The following LVRN variants were observed in gnomAD, a reference collection of about 807,000 sequenced individuals.
The protein encoded by LVRN is laeverin.
A neutral mutation model predicts 111.4 loss-of-function variants in LVRN; 99 were observed. That is an observed-to-expected ratio of 0.89 (90% CI 0.76 to 1.05). LVRN has a LOEUF of 1.05. Among genes scored for constraint, LVRN ranks in the 50% least tolerant of loss-of-function variants. The pLI is 0.00. For synonymous variants in LVRN, 488 were observed against 449.5 expected (o/e 1.09, Z -1.08); for missense variants, 1,414 against 1,206.8 (o/e 1.17, Z -2.54).
At chr5:116,000,017 T>G (rs1748204261) in intron 7 of LVRN, 115 bp downstream of exon 7, 2 of 1,202,774 alleles carry the variant, frequency 1.7e-6, no homozygotes, top group African/African-American at 3.1e-5. Flanking sequence ...AAAATAACCT[T>G]ATTTTAATTC....
intron 6 of LVRN, among the ~76,000 whole-genome samples, chr5:115,994,844 A>C (rs1291761638): frequency 1.3e-5 from 2 of 152,194 alleles, no homozygotes; most frequent in Non-Finnish European, 2.9e-5. Context: ...AAATGTTTAG[A>C]CTTAATGTTA....
Position 115,962,745 on chromosome 5 carries a change from T to A in LVRN, c.128T>A (p.Val43Asp). Residue 43 changes from valine (V) to aspartate (D), a missense_variant, in exon 1 of 20, where the codon GTC becomes GAC. Transcript: ENST00000357872. ...LAALYGHCER[V>D]PPSELPGLRD... Reference sequence around the variant, plus strand: ...GCCTTGTACGGCCACTGCGAGCGCGTCCCACCGTCGGAGCTGCCTGGACTC... The same window carrying A: ...GCCTTGTACGGCCACTGCGAGCGCGACCCACCGTCGGAGCTGCCTGGACTC... 6.2e-7 allele frequency: 1 copy of A among 1,610,532 alleles called. No homozygotes were observed. Among genetic ancestry groups the A allele is most frequent in the Non-Finnish European group, 8.5e-7 (1 of 1,179,084 alleles).
At position 116,002,854 on chromosome 5, in the gene LVRN, A is replaced by G. The variant is rs780223925; in HGVS notation, c.1840A>G (p.Ile614Val). The part of the protein sequence containing the change: ...LTSNDTWIVP[I>V]LWIKNGTTQP... ...AATAAGTGACACATGGATTGTCCCT[A>G]TTCTTTGGATAAAAAATGGAACTAC... Residue 614 changes from isoleucine (I) to valine (V), a missense_variant, in exon 11 of 20, where the codon ATT (isoleucine) becomes GTT (valine). Transcript: ENST00000357872. The G allele has an allele frequency of 1.7e-5, 27 of 1,609,650 alleles. No individual in the cohort carries two copies. The South Asian group carries it at 1.8e-4, about 11-fold the overall frequency.
At chr5:115,968,539 A>G (rs1213892864) in intron 1 of LVRN, among the ~76,000 whole-genome samples, 1 of 151,156 alleles carries the variant, frequency 6.6e-6, no homozygotes, top group East Asian at 1.9e-4. Context: ...CTCAGGCCCA[A>G]GTGATCCTCT....
intron 1 of LVRN, among the ~76,000 whole-genome samples, chr5:115,983,079 G>A (rs1439763222): frequency 6.6e-6 from 1 of 152,120 alleles, no homozygotes; most frequent in Non-Finnish European, 1.5e-5. Context: ...TAAAAGTAAA[G>A]GGTGTGCTTG....
intron 6 of LVRN, among the ~76,000 whole-genome samples, chr5:115,997,953 G>A (rs551288226): frequency 1.3e-5 from 2 of 152,218 alleles, no homozygotes; most frequent in South Asian, 2.1e-4. Flanking sequence ...GTGATATCAC[G>A]AAGATTACAT....
intron 1 of LVRN, among the ~76,000 whole-genome samples, chr5:115,964,598 A>AC (rs1753163346): frequency 1.7e-5 from 2 of 120,014 alleles, no homozygotes; most frequent in South Asian, 6.4e-4. Context: ...TACATATCTG[A>AC]CTTTTTTTTT....
At position 116,015,666 on chromosome 5, in the gene LVRN, C is replaced by G; in HGVS notation, c.2657C>G (p.Ser886Cys). 1 of 1,613,418 alleles carries G rather than the reference C, an allele frequency of 6.2e-7. No individual in the cohort carries two copies. Among genetic ancestry groups the G allele is most frequent in the Non-Finnish European group, 8.5e-7 (1 of 1,179,588 alleles). Reference protein sequence around the residue: ...EYAISTSPFTSNETNIIEVVA... With the variant: ...EYAISTSPFTCNETNIIEVVA... ...GCCATCAGCACATCTCCATTCACTT[C>G]TAATGAAACAAATATAATTGAGGTT... The change falls in exon 18 of 20, where the codon TCT becomes TGT. Residue 886 changes from serine to cysteine, a missense_variant. Transcript: ENST00000357872.
intron 1 of LVRN, among the ~76,000 whole-genome samples, chr5:115,982,762 TTTG>T (rs1446718883): frequency 2.0e-5 from 3 of 152,162 alleles, no homozygotes; most frequent in Non-Finnish European, 4.4e-5. Flanking sequence ...TGAAAGTTGT[TTTG>T]TTCAATCAGC....
At chr5:115,978,849 C>T (rs185761614) in intron 1 of LVRN, among the ~76,000 whole-genome samples, 1 of 152,234 alleles carries the variant, frequency 6.6e-6, no homozygotes, top group Admixed American at 6.5e-5. Flanking sequence ...ACACATAGGA[C>T]TTCTTACTTG....
chr5:116,010,768 A>G lies in LVRN; in HGVS notation c.2121A>G (p.Ala707=), dbSNP rs1561567469. ...SKNNYIEIET[A]LELTKYLAEE... ...ACAATTATATTGAGATTGAAACAGCACTTGAGTTAACCAAGTACCTTGCTG... is the reference window on the plus strand; with the variant it reads ...ACAATTATATTGAGATTGAAACAGCGCTTGAGTTAACCAAGTACCTTGCTG... The change falls in exon 14 of 20, where the codon GCA becomes GCG. Residue 707 remains alanine, a synonymous_variant. Coordinates refer to ENST00000357872, the MANE Select transcript of LVRN (RefSeq NM_173800.5). The G allele has an allele frequency of 1.2e-6, 2 of 1,604,668 alleles. No individual in the cohort carries two copies. Among genetic ancestry groups the G allele is most frequent in the Non-Finnish European group, 1.7e-6 (2 of 1,176,806 alleles).
intron 19 of LVRN, among the ~76,000 whole-genome samples, chr5:116,025,266 C>T (rs985357463): frequency 2.0e-5 from 3 of 152,198 alleles, no homozygotes; most frequent in Non-Finnish European, 2.9e-5. Context: ...TGTGCAATTT[C>T]GAGTATATTA....
Position 116,003,257 on chromosome 5 carries a change from G to A in LVRN, c.1914G>A (p.Met638Ile). 3 of 1,579,130 alleles carry A rather than the reference G, an allele frequency of 1.9e-6. No homozygotes were observed. Among genetic ancestry groups the A allele is most frequent in the Non-Finnish European group, 2.6e-6 (3 of 1,163,968 alleles). ...LDQSSKVFPE[M>I]QVSDSDHDWV... ...CCTTTATAGAAGTATTCCCAGAAAT[G>A]CAAGTTTCAGATTCTGACCATGACT... Residue 638 changes from methionine to isoleucine, a missense_variant, in exon 12 of 20, where the codon ATG becomes ATA. Transcript: ENST00000357872.
chr5:115,985,379 T>C (rs1393685386), intron 3 of LVRN, among the ~76,000 whole-genome samples: 1 of 152,066 alleles, frequency 6.6e-6, no homozygotes, highest in Non-Finnish European at 1.5e-5. Flanking sequence ...AGATCTTTGC[T>C]CTGTAACTCT....
At chr5:115,998,214 A>C (rs560188707) in intron 6 of LVRN, among the ~76,000 whole-genome samples, 1 of 150,830 alleles carries the variant, frequency 6.6e-6, no homozygotes, top group South Asian at 2.1e-4. Context: ...TCTTTTGCAA[A>C]AGTTTTATCT....
chr5:115,963,960 CAA>C (rs1753146882), intron 1 of LVRN, among the ~76,000 whole-genome samples: 1 of 152,182 alleles, frequency 6.6e-6, no homozygotes, highest in Non-Finnish European at 1.5e-5. Context: ...GCTTGCCCCT[CAA>C]AGGTTGGTCC....
At position 116,026,327 on chromosome 5, in the gene LVRN, C is replaced by A. The variant is rs575219114; in HGVS notation, c.*209C>A. On this transcript the variant is annotated 3_prime_UTR_variant, in exon 20 of 20. Transcript: ENST00000357872. ...CAATTTTGCCAATGCTGCTGTATTT[C>A]TGGGAAAGATGTCACTTCATGTTGG... is the stretch of plus-strand genomic sequence containing the variant. 4.9e-5 allele frequency: 30 copies of A among 614,506 alleles called. No homozygotes were observed. In the East Asian group the frequency reaches 5.3e-4, roughly 11 times the overall value. The allele number at this position is 614,506 out of a possible 1,614,324, so 38.1% of individuals were successfully genotyped here.
chr5:116,008,013 C>T (rs1748413226), intron 13 of LVRN, among the ~76,000 whole-genome samples: 2 of 152,158 alleles, frequency 1.3e-5, no homozygotes, highest in Admixed American at 1.3e-4. Flanking sequence ...CTCTCTCCCT[C>T]TTCTTTGGCG....
intron 1 of LVRN, among the ~76,000 whole-genome samples, chr5:115,972,033 C>T (rs1304347444): frequency 2.0e-5 from 3 of 151,934 alleles, no homozygotes; most frequent in Admixed American, 6.6e-5. Flanking sequence ...CAGGAATATT[C>T]GTGTATAAGC....
Sources: gnomAD v4.1 joint callset for allele counts (sites outside exome capture counted in the v4.1 genomes callset) on GRCh38, gnomAD v4.1.1 for gene constraint, MANE v1.5 for transcripts, NCBI Gene and HGNC (gene_info 2026-07-23, HGNC 2026-07-21) for gene names.